The following RAB38 variants were observed in gnomAD, a reference collection of about 807,000 sequenced individuals.
RAB38 encodes ras-related protein Rab-38.
A neutral mutation model predicts 18.4 loss-of-function variants in RAB38; 15 were observed. That is an observed-to-expected ratio of 0.82 (90% CI 0.55 to 1.26). The LOEUF (loss-of-function observed/expected upper bound fraction) is 1.26. Among genes scored for constraint, RAB38 ranks in the 50% most tolerant of loss-of-function variants. The pLI is 0.00. For missense variants in RAB38, 294 were observed against 267.4 expected, an observed-to-expected ratio of 1.10 and a Z score of -0.69; for synonymous variants, 101 against 104.4, an observed-to-expected ratio of 0.97 and a Z score of 0.20.
At chr11:87,871,073 G>T in the RAB38 span, among the ~76,000 whole-genome samples, 1 of 151,568 alleles carries the variant, frequency 6.6e-6, no homozygotes, top group Non-Finnish European at 1.5e-5. Context: ...GGTTTAATAT[G>T]TAATATGTAA....
At chr11:87,919,119 T>G in the RAB38 span, among the ~76,000 whole-genome samples, 1 of 152,082 alleles carries the variant, frequency 6.6e-6, no homozygotes, top group African/African-American at 2.4e-5. Flanking sequence ...TAGACTGCCT[T>G]TCCTCCAGTG....
the RAB38 span, among the ~76,000 whole-genome samples, chr11:87,975,146 T>G: frequency 6.6e-6 from 1 of 151,882 alleles, no homozygotes; most frequent in South Asian, 2.1e-4. Flanking sequence ...CTGCATCCCC[T>G]CCTCTTCTGA....
the RAB38 span, among the ~76,000 whole-genome samples, chr11:87,897,085 AAGT>A: frequency 6.6e-6 from 1 of 151,498 alleles, no homozygotes; most frequent in Non-Finnish European, 1.5e-5. Context: ...ATTAATTGGG[AAGT>A]TAGGTACTTT....
chr11:88,061,167 C>T, the RAB38 span, among the ~76,000 whole-genome samples: 1 of 152,082 alleles, frequency 6.6e-6, no homozygotes, highest in African/African-American at 2.4e-5. Context: ...ACTGATTTTG[C>T]CAGTGAGGAA....
At chr11:88,102,268 T>C in the RAB38 span, among the ~76,000 whole-genome samples, 15 of 152,160 alleles carry the variant, frequency 9.9e-5, no homozygotes, top group East Asian at 2.7e-3. Flanking sequence ...TCCTCTATCC[T>C]AAAATATTCA....
chr11:87,831,192 G>T, the RAB38 span, among the ~76,000 whole-genome samples: 1 of 152,080 alleles, frequency 6.6e-6, no homozygotes, highest in African/African-American at 2.4e-5. Flanking sequence ...CACATCAGAC[G>T]CCAGAGCTTA....
the RAB38 span, among the ~76,000 whole-genome samples, chr11:87,914,936 G>A: frequency 6.6e-6 from 1 of 152,162 alleles, no homozygotes; most frequent in African/African-American, 2.4e-5. Context: ...TGCCCAGAAT[G>A]CAAAAGCCAC....
the RAB38 span, chr11:88,098,529 A>G: frequency 6.6e-6 from 1 of 152,002 alleles, no homozygotes; most frequent in Non-Finnish European, 1.5e-5. Context: ...CCTCATAAAC[A>G]CCAGTGAACA....
intron 2 of RAB38, among the ~76,000 whole-genome samples, chr11:88,137,611 A>G (rs1942852900): frequency 6.6e-6 from 1 of 152,212 alleles, no homozygotes; most frequent in Non-Finnish European, 1.5e-5. Context: ...TAGGAGTTTC[A>G]TAAAGAAAGA....
At chr11:87,865,283 T>G in the RAB38 span, among the ~76,000 whole-genome samples, 1 of 151,714 alleles carries the variant, frequency 6.6e-6, no homozygotes, top group Admixed American at 6.6e-5. Flanking sequence ...AAGTGTCAAA[T>G]TATGCTGGAT....
the RAB38 span, among the ~76,000 whole-genome samples, chr11:88,023,466 A>C: frequency 7.8e-3 from 1,180 of 152,196 alleles, 16 homozygotes; most frequent in African/African-American, 0.027. Context: ...TAAACTGTCC[A>C]TATTACCCAT....
At chr11:88,170,578 A>C (rs961512089) in intron 1 of RAB38, among the ~76,000 whole-genome samples, 2 of 152,228 alleles carry the variant, frequency 1.3e-5, no homozygotes, top group African/African-American at 4.8e-5. Flanking sequence ...AGTCAGTTTA[A>C]GGACTCCTGA....
the RAB38 span, among the ~76,000 whole-genome samples, chr11:88,004,329 T>G: frequency 6.6e-6 from 1 of 151,076 alleles, no homozygotes; most frequent in African/African-American, 2.4e-5. Context: ...AAGTTTGATA[T>G]AACTTTTGGA....
At chr11:87,856,492 C>T in the RAB38 span, among the ~76,000 whole-genome samples, 23 of 152,232 alleles carry the variant, frequency 1.5e-4, no homozygotes, top group African/African-American at 5.3e-4. Context: ...TTGCAGCAAC[C>T]AACCCTACTT....
chr11:87,932,758 C>T, the RAB38 span, among the ~76,000 whole-genome samples: 3 of 152,018 alleles, frequency 2.0e-5, no homozygotes, highest in African/African-American at 7.2e-5. Context: ...AGTGTGTAGG[C>T]AAAAACCACC....
the RAB38 span, among the ~76,000 whole-genome samples, chr11:87,935,262 T>C: frequency 6.6e-6 from 1 of 152,108 alleles, no homozygotes; most frequent in Non-Finnish European, 1.5e-5. Flanking sequence ...TCTTCCAATA[T>C]GCTCCTGATC....
At chr11:88,103,730 CTTAGTT>C in the RAB38 span, among the ~76,000 whole-genome samples, 10 of 152,258 alleles carry the variant, frequency 6.6e-5, no homozygotes, top group East Asian at 1.9e-3. Context: ...CCCTCTTTTC[CTTAGTT>C]TTAAATTCCA....
the RAB38 span, among the ~76,000 whole-genome samples, chr11:88,033,480 A>G: frequency 6.6e-6 from 1 of 152,134 alleles, no homozygotes; most frequent in Non-Finnish European, 1.5e-5. Context: ...TTCATGATTC[A>G]TTATCTATTT....
At chr11:88,114,275 ACT>A in intron 2 of RAB38, 135 bp from the exon 3 acceptor site, 1 of 912,674 alleles carries the variant, frequency 1.1e-6, no homozygotes, top group Non-Finnish European at 1.6e-6. Flanking sequence ...TGTTTCCCTC[ACT>A]CTTATTTGTT....
Sources: allele counts gnomAD v4.1 joint callset (sites outside exome capture counted in the v4.1 genomes callset), GRCh38; gene constraint gnomAD v4.1.1; transcripts MANE v1.5; gene names NCBI Gene and HGNC (gene_info 2026-07-23, HGNC 2026-07-21).